The following RAD50 variants were observed in gnomAD, a reference collection of about 807,000 sequenced individuals.
RAD50 encodes the protein RAD50 double strand break repair protein, also known as DNA repair protein RAD50.
Under a neutral mutation model 168.8 loss-of-function variants are expected in RAD50, and 132 were observed. The observed-to-expected ratio is 0.78, with a 90% CI of 0.68 to 0.90. The LOEUF is 0.90. Ranked by LOEUF, RAD50 falls within the 40% of genes least tolerant of loss-of-function variation. The pLI, the probability that RAD50 is intolerant of heterozygous loss-of-function variation, is 0.00. For missense variants in RAD50, 1,347 were observed against 1,534.4 expected (o/e 0.88, Z 2.04); for synonymous variants, 525 against 497.4 (o/e 1.06, Z -0.74).
At chr5:132,609,044 G>A (rs1751035992) in intron 17 of RAD50, 73 bp from the exon 18 acceptor site, 1 of 1,571,416 alleles carries the variant, frequency 6.4e-7, no homozygotes, top group South Asian at 1.2e-5. Flanking sequence ...TTCCCAGCCA[G>A]TGTTTTACTG....
intron 21 of RAD50, among the ~76,000 whole-genome samples, chr5:132,622,511 C>CGTAA (rs1751303426): frequency 1.3e-5 from 2 of 152,052 alleles, no homozygotes; most frequent in Admixed American, 1.3e-4. Context: ...TGTGTCTTTA[C>CGTAA]TCATTTTATA....
At chr5:132,611,306 G>A (rs190542456) in intron 19 of RAD50, among the ~76,000 whole-genome samples, 3 of 152,048 alleles carry the variant, frequency 2.0e-5, no homozygotes, top group Non-Finnish European at 4.4e-5. Flanking sequence ...CAGGAGAATC[G>A]CTTGAACCTG....
At chr5:132,586,469 G>A (rs757738931) in intron 5 of RAD50, among the ~76,000 whole-genome samples, 3 of 152,026 alleles carry the variant, frequency 2.0e-5, no homozygotes, top group Non-Finnish European at 4.4e-5. Context: ...TCTCTCTTTC[G>A]TTTAGCTAAC....
intron 19 of RAD50, among the ~76,000 whole-genome samples, chr5:132,610,696 C>T (rs1024112777): frequency 6.6e-6 from 1 of 151,848 alleles, no homozygotes; most frequent in African/African-American, 2.4e-5. Context: ...CTCTGCCTGG[C>T]CTAATACATA....
Position 132,642,818 on chromosome 5 carries a change from C to T in RAD50, c.*454C>T, listed in dbSNP as rs1751760415. The T allele has an allele frequency of 2.9e-6, 1 of 349,162 alleles. No homozygotes were observed. Among genetic ancestry groups the T allele is most frequent in the South Asian group, 3.2e-5 (1 of 31,220 alleles). 21.6% of individuals were successfully genotyped at this position (349,162 alleles called of 1,614,324 possible). Reference sequence around the variant, plus strand: ...CTGAGTATTAATATCTGAGGATGACCAGAAATGGTGAGATGTATGTTTGGC... The same window carrying T: ...CTGAGTATTAATATCTGAGGATGACTAGAAATGGTGAGATGTATGTTTGGC... On this transcript the variant is annotated 3_prime_UTR_variant, in exon 25 of 25. Transcript: ENST00000378823.
intron 2 of RAD50, among the ~76,000 whole-genome samples, chr5:132,566,959 C>G (rs755476297): frequency 2.0e-5 from 3 of 152,226 alleles, no homozygotes; most frequent in Admixed American, 6.5e-5. Context: ...CTGCTTTGTA[C>G]TCCCAGATTA....
intron 21 of RAD50, among the ~76,000 whole-genome samples, chr5:132,633,230 G>A (rs1208127016): frequency 2.7e-5 from 4 of 147,332 alleles, no homozygotes; most frequent in Admixed American, 6.9e-5. Flanking sequence ...TCAGCCTCCC[G>A]AGTAGCTGGG....
rs1432364465 is a variant in RAD50, at chr5:132,643,683, C to G, written c.*1319C>G. The G allele has an allele frequency of 1.2e-5, 2 of 165,912 alleles. No homozygotes were observed. The highest frequency in any genetic ancestry group is 2.4e-5 in the Non-Finnish European group (2 of 83,994). 10.3% of individuals were successfully genotyped at this position (165,912 alleles called of 1,614,324 possible). On this transcript the variant is annotated 3_prime_UTR_variant, in exon 25 of 25. Transcript: ENST00000378823. ...GGAAACTTTGCAGATGTGATTAAAG[C>G]TAAGGACCTTAAGACAGAGTATCCT...
At chr5:132,591,573 T>G (rs1359473549) in intron 10 of RAD50, among the ~76,000 whole-genome samples, 167 bp downstream of exon 10, 1 of 152,180 alleles carries the variant, frequency 6.6e-6, no homozygotes, top group Non-Finnish European at 1.5e-5. Flanking sequence ...AAAGTTATTG[T>G]TTAATTACAA....
At chr5:132,588,973 T>C in intron 8 of RAD50, 93 bp downstream of exon 8, 1 of 1,330,452 alleles carries the variant, frequency 7.5e-7, no homozygotes, top group Non-Finnish European at 1.1e-6. Context: ...CATTTTGGCA[T>C]ATTTTTCTAT....
rs971437916 is a variant in RAD50 at position 132,557,007 on chromosome 5, G to T, written c.-318G>T. 5.4e-6 allele frequency: 4 copies of T among 746,346 alleles called. No individual in the cohort carries two copies. Among genetic ancestry groups the T allele is most frequent in the South Asian group, 1.9e-5 (1 of 53,874 alleles). 46.2% of individuals were successfully genotyped at this position (746,346 alleles called of 1,614,324 possible). ...ATCCGCAGGGCGGCCGAGGCAGGAA[G>T]CTGTGAGTGCGCGGTTGCGGGGTCG... On this transcript the variant is annotated 5_prime_UTR_variant, in exon 1 of 25. Coordinates refer to ENST00000378823, the MANE Select transcript of RAD50 (RefSeq NM_005732.4).
chr5:132,598,280 A>G (rs564958470), intron 13 of RAD50, among the ~76,000 whole-genome samples: 1 of 151,634 alleles, frequency 6.6e-6, no homozygotes, highest in South Asian at 2.1e-4. Context: ...CAAACTCCTC[A>G]CCTCAGGCAA....
intron 13 of RAD50, among the ~76,000 whole-genome samples, chr5:132,597,525 G>A (rs983271393): frequency 2.0e-5 from 3 of 152,124 alleles, no homozygotes; most frequent in African/African-American, 7.2e-5. Context: ...TCTTGTCTGA[G>A]GGAAGCTAGC....
chr5:132,619,783 CCTCTCT>C (rs550575815), intron 21 of RAD50, among the ~76,000 whole-genome samples: 55 of 125,724 alleles, frequency 4.4e-4, no homozygotes, highest in African/African-American at 1.3e-3. Flanking sequence ...CTTCCCTACT[CCTCTCT>C]CTCTCTCTCT....
intron 11 of RAD50, chr5:132,592,972 A>G (rs781737468): frequency 2.5e-5 from 11 of 446,014 alleles, no homozygotes; most frequent in Middle Eastern, 3.4e-4. Context: ...TGAGGTGTCT[A>G]TGGTGTTGGC....
intron 20 of RAD50, among the ~76,000 whole-genome samples, chr5:132,616,622 A>G (rs1751182840): frequency 6.6e-6 from 1 of 152,184 alleles, no homozygotes; most frequent in South Asian, 2.1e-4. Context: ...ATTGTTACTT[A>G]TTGTAGTTGC....
chr5:132,592,694 T>A (rs866944970), intron 11 of RAD50: 2 of 377,206 alleles, frequency 5.3e-6, no homozygotes, highest in Middle Eastern at 4.7e-4. Context: ...TCTTATCTGG[T>A]CTGCTTTTGC....
chr5:132,620,086 T>A (rs1751261263), intron 21 of RAD50, among the ~76,000 whole-genome samples: 1 of 151,692 alleles, frequency 6.6e-6, no homozygotes, highest in Non-Finnish European at 1.5e-5. Flanking sequence ...ATTGCATTTT[T>A]AGTAGAGATG....
intron 21 of RAD50, among the ~76,000 whole-genome samples, chr5:132,633,098 CTTTTTTT>C (rs34616055): frequency 2.7e-5 from 3 of 113,048 alleles, no homozygotes; most frequent in East Asian, 2.5e-4. Flanking sequence ...TTCGTTTTTT[CTTTTTTT>C]TTTTTTTTTT....
Sources: allele counts gnomAD v4.1 joint callset (sites outside exome capture counted in the v4.1 genomes callset), GRCh38; gene constraint gnomAD v4.1.1; transcripts MANE v1.5; gene names NCBI Gene and HGNC (gene_info 2026-07-23, HGNC 2026-07-21).